AHCYL2: variants seen among roughly 807,000 people sequenced by gnomAD.
The protein encoded by AHCYL2 is adenosylhomocysteinase like 2, also known as S-adenosylhomocysteine hydrolase-like protein 2.
AHCYL2 carries 28 observed loss-of-function variants against 81.4 expected under a neutral mutation model. That is an observed-to-expected ratio of 0.34 (90% CI 0.25 to 0.47). AHCYL2 has a LOEUF of 0.47. Ranked by LOEUF, AHCYL2 falls within the 20% of genes least tolerant of loss-of-function variation. AHCYL2 has a pLI of 1.00. For synonymous variants in AHCYL2, 272 were observed against 290.2 expected, an observed-to-expected ratio of 0.94 and a Z score of 0.64; for missense variants, 551 against 785.1, an observed-to-expected ratio of 0.70 and a Z score of 3.56.
chr7:129,368,054 T>C lies in AHCYL2; in HGVS notation c.364-11584T>C. ...TCCTGACCTCAGTCTTTATTGATCT[T>C]GGTATCCGCACCTCCAGTGACGTGT... is the stretch of plus-strand genomic sequence containing the variant. On this transcript the variant is annotated intron_variant, in intron 1 of 16. Transcript: ENST00000325006. This position sits in a 1 kb window ranked among gnomAD's most constrained non-coding sequence, Gnocchi z 4.4. The C allele has an allele frequency of 1.0e-6, 1 of 970,978 alleles. No individual in the cohort carries two copies. Among genetic ancestry groups the C allele is most frequent in the Non-Finnish European group, 1.2e-6 (1 of 815,450 alleles). The allele number at this position is 970,978 out of a possible 1,614,324, so 60.1% of individuals were successfully genotyped here. A position where few individuals can be genotyped will look rare whatever the true frequency, so the allele number is the denominator to read the frequency against.
chr7:129,425,365 T>C (rs1797315429), intron 15 of AHCYL2, among the ~76,000 whole-genome samples: 1 of 152,186 alleles, frequency 6.6e-6, no homozygotes, highest in African/African-American at 2.4e-5. Context: ...TTATTTTACC[T>C]GCCTGTGAAT....
At chr7:129,239,155 C>T (rs542955904) in intron 1 of AHCYL2, among the ~76,000 whole-genome samples, 2 of 152,242 alleles carry the variant, frequency 1.3e-5, no homozygotes, top group Non-Finnish European at 2.9e-5. Flanking sequence ...ACGTGTAAAT[C>T]AGAGGATATT....
intron 1 of AHCYL2, among the ~76,000 whole-genome samples, chr7:129,356,170 T>C (rs1793729461): frequency 6.6e-6 from 1 of 152,220 alleles, no homozygotes; most frequent in Non-Finnish European, 1.5e-5. Context: ...AATATAGTGA[T>C]AATCTGGAAA....
intron 1 of AHCYL2, among the ~76,000 whole-genome samples, chr7:129,309,797 A>ATTT (rs376522593): frequency 6.9e-6 from 1 of 144,424 alleles, no homozygotes; most frequent in Admixed American, 6.9e-5. Flanking sequence ...ACCAGTCACC[A>ATTT]TTTTTTTTTT....
chr7:129,235,397 C>T lies in AHCYL2; in HGVS notation c.363+9958C>T, dbSNP rs560136102. On this transcript the variant is annotated intron_variant, in intron 1 of 16. Transcript: ENST00000325006. ...GGACTAGGATTACAGACATGTGCCA[C>T]CTCATCCAGCCTCCTTCTCATTCTT... is the stretch of plus-strand genomic sequence containing the variant. 9.6e-5 allele frequency among the ~76,000 whole-genome samples: 14 copies of T among 146,424 alleles called. No homozygotes were observed. In the South Asian group the frequency reaches 3.1e-3, roughly 33 times the overall value.
chr7:129,413,953 A>C (rs1403674305), intron 12 of AHCYL2, among the ~76,000 whole-genome samples: 2 of 152,236 alleles, frequency 1.3e-5, no homozygotes, highest in Non-Finnish European at 2.9e-5. Flanking sequence ...TATGTTTAGG[A>C]TTGAGAGCAA....
intron 1 of AHCYL2, among the ~76,000 whole-genome samples, chr7:129,242,292 C>G (rs9641848): frequency 6.6e-6 from 1 of 151,796 alleles, no homozygotes; most frequent in South Asian, 2.1e-4. Context: ...GGCTTCCTAA[C>G]GTGTTGGGAT....
intron 1 of AHCYL2, among the ~76,000 whole-genome samples, chr7:129,340,586 T>A (rs1004315220): frequency 1.4e-4 from 21 of 150,774 alleles, no homozygotes; most frequent in African/African-American, 3.9e-4. Context: ...AAAAAAAAAA[T>A]TTCTCCCCTT....
chr7:129,416,755 G>A (rs563205101), intron 12 of AHCYL2, among the ~76,000 whole-genome samples: 8 of 151,994 alleles, frequency 5.3e-5, no homozygotes, highest in South Asian at 4.2e-4. Context: ...AGCCAAGATC[G>A]CACCATTGCA....
At chr7:129,363,601 C>A (rs1334677811) in intron 1 of AHCYL2, among the ~76,000 whole-genome samples, 1 of 152,026 alleles carries the variant, frequency 6.6e-6, no homozygotes, top group Non-Finnish European at 1.5e-5. Flanking sequence ...CTGTGTTGCC[C>A]AGGCTGCTCA....
At chr7:129,342,144 AG>A (rs1793207398) in intron 1 of AHCYL2, among the ~76,000 whole-genome samples, 1 of 152,308 alleles carries the variant, frequency 6.6e-6, no homozygotes, top group African/African-American at 2.4e-5. Context: ...TATATGCAAA[AG>A]TACAGGGGTG....
chr7:129,318,781 G>C (rs1477665605), intron 1 of AHCYL2, among the ~76,000 whole-genome samples: 1 of 151,432 alleles, frequency 6.6e-6, no homozygotes, highest in Admixed American at 6.6e-5. Flanking sequence ...CAAAAGAATA[G>C]ACTGTATTTT....
At chr7:129,241,479 T>C (rs1158953938) in intron 1 of AHCYL2, among the ~76,000 whole-genome samples, 1 of 151,916 alleles carries the variant, frequency 6.6e-6, no homozygotes, top group Admixed American at 6.6e-5. Flanking sequence ...TAGTTCCAGC[T>C]ACTCGGGAGG....
rs1797358072 is a variant in AHCYL2, at chr7:129,426,212, T to TC, written c.1709-230dup. ...CCTGCACTTTTCTGGAAGGCAGGGTTCAAAGCTGAGTTAGTAAGGATGAAT... is the reference window on the plus strand; with the variant it reads ...CCTGCACTTTTCTGGAAGGCAGGGTTCCAAAGCTGAGTTAGTAAGGATGAAT... On this transcript the variant is annotated intron_variant, in intron 15 of 16. Coordinates refer to ENST00000325006, the MANE Select transcript of AHCYL2 (RefSeq NM_015328.4). The surrounding 1 kb of genome is among the most constrained non-coding windows in gnomAD (Gnocchi z 4.3). Among the ~76,000 whole-genome samples, 1 of 152,248 alleles carries TC rather than the reference T, an allele frequency of 6.6e-6. No individual in the cohort carries two copies. Among genetic ancestry groups the TC allele is most frequent in the African/African-American group, 2.4e-5 (1 of 41,472 alleles).
chr7:129,405,275 C>G lies in AHCYL2; in HGVS notation c.1142+62C>G, dbSNP rs1796246145. The G allele has an allele frequency of 3.8e-6, 5 of 1,324,052 alleles. No homozygotes were observed. In the South Asian group the frequency reaches 7.2e-5, roughly 19 times the overall value. 82.0% of individuals were successfully genotyped at this position (1,324,052 alleles called of 1,614,324 possible). A position where few individuals can be genotyped will look rare whatever the true frequency, so the allele number is the denominator to read the frequency against. On this transcript the variant is annotated intron_variant, in intron 8 of 16. Coordinates refer to ENST00000325006, the MANE Select transcript of AHCYL2 (RefSeq NM_015328.4). ...CCAGTTGAGATTCTAAGTTTTTTGG[C>G]TTTGGTTATTTCTGGAAAGGATTCA...
At chr7:129,411,803 G>A (rs913731072) in intron 11 of AHCYL2, among the ~76,000 whole-genome samples, 1 of 151,506 alleles carries the variant, frequency 6.6e-6, no homozygotes, top group Admixed American at 6.6e-5. Flanking sequence ...TGTTTTCAGG[G>A]CCTCCCCATG....
chr7:129,396,183 C>T (rs934831810), intron 4 of AHCYL2, among the ~76,000 whole-genome samples: 31 of 151,452 alleles, frequency 2.0e-4, no homozygotes, highest in Admixed American at 7.9e-4. Context: ...ACTGCAGTGG[C>T]ACAATCTCGG....
At chr7:129,240,163 C>T (rs1168340571) in intron 1 of AHCYL2, among the ~76,000 whole-genome samples, 5 of 151,702 alleles carry the variant, frequency 3.3e-5, no homozygotes, top group South Asian at 2.1e-4. Context: ...TGCGGTGAGC[C>T]GAGATCGCGC....
intron 1 of AHCYL2, among the ~76,000 whole-genome samples, chr7:129,372,056 C>T (rs1794436470): frequency 6.6e-6 from 1 of 152,102 alleles, no homozygotes; most frequent in South Asian, 2.1e-4. Flanking sequence ...ACTATGGGCT[C>T]TCTCCCCAGG....
Sources: allele counts gnomAD v4.1 joint callset (sites outside exome capture counted in the v4.1 genomes callset), GRCh38; gene constraint gnomAD v4.1.1; non-coding constraint Gnocchi (gnomAD v3.1); transcripts MANE v1.5; gene names NCBI Gene and HGNC (gene_info 2026-07-23, HGNC 2026-07-21).